The following ELAC2 variants were observed in gnomAD, a reference collection of about 807,000 sequenced individuals.
ELAC2 encodes elaC ribonuclease Z 2, also known as zinc phosphodiesterase ELAC protein 2.
In ELAC2, 92 loss-of-function variants were observed where a neutral mutation model predicts 105.2. That is an observed-to-expected ratio of 0.87 (90% CI 0.74 to 1.04). The LOEUF (loss-of-function observed/expected upper bound fraction) is 1.04. Ranked by LOEUF, ELAC2 falls within the 50% of genes least tolerant of loss-of-function variation. The pLI is 0.00. For missense variants in ELAC2, 1,099 were observed against 1,071.7 expected (o/e 1.03, Z -0.36); for synonymous variants, 468 against 409.1 (o/e 1.14, Z -1.74).
intron 16 of ELAC2, among the ~76,000 whole-genome samples, chr17:12,997,791 A>T (rs1231949795): frequency 6.6e-6 from 1 of 152,222 alleles, no homozygotes; most frequent in African/African-American, 2.4e-5. Context: ...TTCTTCACAT[A>T]CTATCTGTAG....
intron 3 of ELAC2, among the ~76,000 whole-genome samples, chr17:13,016,613 C>A (rs1416510311): frequency 6.6e-6 from 1 of 151,846 alleles, no homozygotes; most frequent in Non-Finnish European, 1.5e-5. Context: ...CCCGTCGCTA[C>A]AAAACATACA....
rs1404593372 is a variant in ELAC2, at chr17:13,002,438, T to C, written c.1218+3A>G. On this transcript the variant is annotated splice_donor_region_variant and intron_variant, in intron 13 of 23. Transcript: ENST00000338034. Reference sequence around the variant, plus strand: ...CCGACAAGGGGCCGGTCTGAGACACTACCTTACAGCGGAAACTGGTGAGCA... The same window carrying C: ...CCGACAAGGGGCCGGTCTGAGACACCACCTTACAGCGGAAACTGGTGAGCA... 1 of 1,613,380 alleles carries C rather than the reference T, an allele frequency of 6.2e-7. No homozygotes were observed. The highest frequency in any genetic ancestry group is 1.7e-5 in the Admixed American group (1 of 59,850).
At chr17:13,011,599 T>C in intron 7 of ELAC2, 64 bp downstream of exon 7, 1 of 1,612,882 alleles carries the variant, frequency 6.2e-7, no homozygotes, top group Non-Finnish European at 8.5e-7. Flanking sequence ...TCTACAAGCA[T>C]TACAAGGCAG....
intron 12 of ELAC2, chr17:13,002,862 G>A (rs2040896261): frequency 2.0e-6 from 1 of 493,564 alleles, no homozygotes; most frequent in Non-Finnish European, 3.7e-6. Flanking sequence ...AAACCCTGAG[G>A]AATGAAAGAG....
At chr17:12,994,650 G>A in intron 21 of ELAC2, 114 bp downstream of exon 21, 1 of 1,600,302 alleles carries the variant, frequency 6.2e-7, no homozygotes, top group Non-Finnish European at 8.5e-7. Flanking sequence ...TCTGAGGGTG[G>A]GGACCTGAGT....
intron 8 of ELAC2, among the ~76,000 whole-genome samples, chr17:13,008,918 C>T (rs1050902315): frequency 1.4e-4 from 21 of 152,150 alleles, no homozygotes; most frequent in African/African-American, 4.1e-4. Context: ...CCCCCAGGAA[C>T]GGCTGCCTGA....
At position 12,991,711 on chromosome 17, in the gene ELAC2, G is replaced by T. The variant is rs2040162844; in HGVS notation, c.*1107C>A. ...GCCGTCAATCTCAAATGCACACCGG[G>T]ATGGAGCCTGAAGGTCACCACCTGT... On this transcript the variant is annotated 3_prime_UTR_variant, in exon 24 of 24. Transcript: ENST00000338034. 1 of 210,852 alleles carries T rather than the reference G, an allele frequency of 4.7e-6. No homozygotes were observed. The highest frequency in any genetic ancestry group is 1.9e-4 in the South Asian group (1 of 5,314). The allele number at this position is 210,852 out of a possible 1,614,324, so 13.1% of individuals were successfully genotyped here. A position where few individuals can be genotyped will look rare whatever the true frequency, so the allele number is the denominator to read the frequency against.
chr17:13,003,607 G>A (rs375699838), intron 11 of ELAC2, 33 bp from the exon 12 acceptor site: 51 of 1,593,296 alleles, frequency 3.2e-5, no homozygotes, highest in Non-Finnish European at 3.9e-5. Flanking sequence ...ACAAAGTGAT[G>A]CAGACTCAGG....
At chr17:13,014,844 A>T (rs906182411) in intron 4 of ELAC2, among the ~76,000 whole-genome samples, 6 of 152,250 alleles carry the variant, frequency 3.9e-5, no homozygotes, top group African/African-American at 1.2e-4. Context: ...GCAGTTCTGG[A>T]GTAAATGACC....
intron 5 of ELAC2, among the ~76,000 whole-genome samples, chr17:13,014,154 G>C (rs939523422): frequency 6.6e-6 from 1 of 152,032 alleles, no homozygotes; most frequent in East Asian, 1.9e-4. Flanking sequence ...TTAGCTGAGC[G>C]TGATGGCATG....
intron 12 of ELAC2, 125 bp from the exon 13 acceptor site, chr17:13,002,704 G>A: frequency 1.4e-6 from 2 of 1,471,518 alleles, no homozygotes; most frequent in Non-Finnish European, 1.8e-6. Context: ...CTTGCCCCAA[G>A]CAGTGTTACT....
chr17:12,995,377 T>C (rs2040417392), intron 19 of ELAC2, among the ~76,000 whole-genome samples: 1 of 152,210 alleles, frequency 6.6e-6, no homozygotes, highest in Non-Finnish European at 1.5e-5. Context: ...ACACCTGCTA[T>C]GGACATTCTC....
intron 4 of ELAC2, among the ~76,000 whole-genome samples, 177 bp from the exon 5 acceptor site, chr17:13,014,673 A>G (rs2041623890): frequency 6.6e-6 from 1 of 152,210 alleles, no homozygotes; most frequent in South Asian, 2.1e-4. Flanking sequence ...TGCCAAGGAT[A>G]TAGCAGGAAA....
intron 8 of ELAC2, among the ~76,000 whole-genome samples, chr17:13,007,779 G>A (rs1732828547): frequency 6.6e-6 from 1 of 152,162 alleles, no homozygotes; most frequent in Non-Finnish European, 1.5e-5. Flanking sequence ...TCGGGAAGCT[G>A]ATGCATGAGA....
rs2040211432 is a variant in ELAC2, at chr17:12,992,146, G to C, written c.*672C>G. On this transcript the variant is annotated 3_prime_UTR_variant, in exon 24 of 24. Coordinates refer to ENST00000338034, the MANE Select transcript of ELAC2 (RefSeq NM_018127.7). ...GATTGATTTGATTGATTGATTGATT[G>C]ATTGATAGAGAAAGCACGCCCTGCT... Among the ~76,000 whole-genome samples, 1 of 150,222 alleles carries C rather than the reference G, an allele frequency of 6.7e-6. No individual in the cohort carries two copies. The highest frequency in any genetic ancestry group is 6.6e-5 in the Admixed American group (1 of 15,160).
At chr17:13,001,496 AAAAT>A (rs983008081) in intron 14 of ELAC2, among the ~76,000 whole-genome samples, 3 of 151,836 alleles carry the variant, frequency 2.0e-5, no homozygotes, top group Non-Finnish European at 2.9e-5. Flanking sequence ...CCGTCTCAAA[AAAAT>A]AAATAAATAA....
At chr17:12,997,480 A>T (rs2040536306) in intron 16 of ELAC2, among the ~76,000 whole-genome samples, 1 of 152,182 alleles carries the variant, frequency 6.6e-6, no homozygotes, top group Non-Finnish European at 1.5e-5. Context: ...AGGTGGCAAT[A>T]GCACCTTCCC....
Position 12,998,468 on chromosome 17 carries a change from T to C in ELAC2, c.1464A>G (p.Thr488=), listed in dbSNP as rs759119977. The change falls in exon 16 of 24, where the codon ACA becomes ACG. Residue 488 remains threonine, a synonymous_variant. Transcript: ENST00000338034. ...SQYPEIIFLG[T]GSAIPMKIRN... is the part of the protein sequence containing the mutation. Reference sequence around the variant, plus strand: ...GAATCTTCATCGGGATGGCAGACCCTGTTCCAAGGAAGATGATTTCTGGGT... The same window carrying C: ...GAATCTTCATCGGGATGGCAGACCCCGTTCCAAGGAAGATGATTTCTGGGT... 1.1e-5 allele frequency: 18 copies of C among 1,614,134 alleles called. No homozygotes were observed. In the East Asian group the frequency reaches 3.6e-4, roughly 32 times the overall value.
intron 8 of ELAC2, among the ~76,000 whole-genome samples, chr17:13,008,484 C>G (rs2041235278): frequency 6.6e-6 from 1 of 152,078 alleles, no homozygotes. Context: ...TGCACTCCAG[C>G]CTGGTGACAG....
Sources: gnomAD v4.1 joint callset for allele counts (sites outside exome capture counted in the v4.1 genomes callset) on GRCh38, gnomAD v4.1.1 for gene constraint, MANE v1.5 for transcripts, NCBI Gene and HGNC (gene_info 2026-07-23, HGNC 2026-07-21) for gene names.